CNKSR2: variants seen among roughly 807,000 people sequenced by gnomAD.
CNKSR2 encodes the protein CNK homolog protein 2.
In CNKSR2, 14 loss-of-function variants were observed where a neutral mutation model predicts 84.4. The observed-to-expected ratio is 0.17, with a 90% CI of 0.11 to 0.26. The LOEUF is 0.26. CNKSR2 is among the 10% of genes least tolerant of loss of function. The pLI, the probability that CNKSR2 is intolerant of heterozygous loss-of-function variation, is 1.00. For synonymous variants in CNKSR2, 275 were observed against 277.9 expected, an observed-to-expected ratio of 0.99 and a Z score of 0.10; for missense variants, 485 against 771.2, an observed-to-expected ratio of 0.63 and a Z score of 4.40.
In CNKSR2 at chrX:21,597,370, G is replaced by C. The variant is rs140916183; in HGVS notation, c.1976+1975G>C. 2.4e-3 allele frequency among the ~76,000 whole-genome samples: 266 copies of C among 110,481 alleles called. 1 individual carries two copies. Among genetic ancestry groups the C allele is most frequent in the Middle Eastern group, 0.014 (3 of 215 alleles). On this transcript the variant is annotated intron_variant, in intron 17 of 21. Coordinates refer to ENST00000379510, the MANE Select transcript of CNKSR2 (RefSeq NM_014927.5). ...TTTGTTGGTTTTCTAAGCAATAGGT[G>C]AAAGAAAAAAAGTGAAACATTAAAA...
At chrX:21,550,957 A>G (rs1474893023) in intron 11 of CNKSR2, among the ~76,000 whole-genome samples, 3 of 108,207 alleles carry the variant, frequency 2.8e-5, no homozygotes, top group Middle Eastern at 4.2e-3. Flanking sequence ...AATCACTTCA[A>G]CCTGGGAAGC....
At chrX:21,438,170 A>G (rs1378244817) in intron 3 of CNKSR2, among the ~76,000 whole-genome samples, 1 of 111,903 alleles carries the variant, frequency 8.9e-6, no homozygotes, top group Non-Finnish European at 1.9e-5. Context: ...GATACAGCCT[A>G]CTACACACCT....
chrX:21,497,853 A>G lies in CNKSR2; in HGVS notation c.741+7A>G. On this transcript the variant is annotated splice_region_variant and intron_variant, in intron 7 of 21. Coordinates refer to ENST00000379510, the MANE Select transcript of CNKSR2 (RefSeq NM_014927.5). Reference sequence around the variant, plus strand: ...TACTGGAACCACAGAAAATGTAAGTATTCTAACCTTTCAAATTTTTAAGTG... The same window carrying G: ...TACTGGAACCACAGAAAATGTAAGTGTTCTAACCTTTCAAATTTTTAAGTG... 1.2e-6 allele frequency: 1 copy of G among 833,846 alleles called. No individual in the cohort carries two copies. The allele number at this position is 833,846 out of a possible 1,213,427, so 68.7% of individuals were successfully genotyped here.
chrX:21,451,450 A>G (rs971979085), intron 4 of CNKSR2, among the ~76,000 whole-genome samples: 5 of 110,300 alleles, frequency 4.5e-5, no homozygotes, highest in African/African-American at 1.7e-4. Context: ...AGCCAACCCA[A>G]ATGCCTAACA....
chrX:21,585,765 A>C (rs766120759), intron 13 of CNKSR2, among the ~76,000 whole-genome samples: 2 of 111,336 alleles, frequency 1.8e-5, no homozygotes, highest in Non-Finnish European at 3.8e-5. Context: ...ACATTCTTAG[A>C]AAGTTCGAAG....
chrX:21,523,370 A>G (rs191406447), intron 9 of CNKSR2, among the ~76,000 whole-genome samples: 53 of 111,301 alleles, frequency 4.8e-4, no homozygotes, highest in Admixed American at 7.6e-4. Context: ...TATTGTATCC[A>G]TTTTATCCAT....
At position 21,609,373 on chromosome X, in the gene CNKSR2, C is replaced by T; in HGVS notation, c.2448C>T (p.His816=). The T allele has an allele frequency of 8.3e-7, 1 of 1,211,753 alleles. No individual in the cohort carries two copies. Among genetic ancestry groups the T allele is most frequent in the Non-Finnish European group, 1.1e-6 (1 of 895,537 alleles). The stretch of plus-strand genomic sequence containing the variant: ...CTACCCTGCCAACTCAGAAATGCCA[C>T]CTGCAGGATCACTATGGGCCATACC... The part of the protein sequence containing the change: ...RQSTLPTQKC[H]LQDHYGPYPL... Residue 816 remains histidine, a synonymous_variant, in exon 20 of 22, where the codon CAC becomes CAT. Transcript: ENST00000379510.
At chrX:21,614,992 G>A (rs1317049379) in intron 20 of CNKSR2, among the ~76,000 whole-genome samples, 3 of 111,957 alleles carry the variant, frequency 2.7e-5, no homozygotes, top group African/African-American at 9.7e-5. Flanking sequence ...AGATTTCATT[G>A]CCAAGGTTGC....
chrX:21,401,851 T>G (rs1198483026), intron 1 of CNKSR2, among the ~76,000 whole-genome samples: 1 of 111,688 alleles, frequency 9.0e-6, no homozygotes, highest in East Asian at 2.8e-4. Context: ...CTGTGCCTAT[T>G]AAGTGTCAGC....
At chrX:21,632,684 C>T (rs1261699110) in intron 20 of CNKSR2, among the ~76,000 whole-genome samples, 1 of 111,356 alleles carries the variant, frequency 9.0e-6, no homozygotes, top group African/African-American at 3.3e-5. Context: ...TAAAATGTGA[C>T]TTTTAGTTTG....
At chrX:21,411,490 C>T (rs1214114227) in intron 1 of CNKSR2, among the ~76,000 whole-genome samples, 2 of 111,766 alleles carry the variant, frequency 1.8e-5, no homozygotes, top group African/African-American at 6.5e-5. Context: ...CTGTTCTACA[C>T]GTTGAAACCA....
chrX:21,464,089 G>A (rs752840307), intron 4 of CNKSR2, among the ~76,000 whole-genome samples: 4 of 112,166 alleles, frequency 3.6e-5, no homozygotes, highest in East Asian at 2.8e-4. Context: ...GCCCCACATC[G>A]CTGTAGCCCA....
intron 5 of CNKSR2, among the ~76,000 whole-genome samples, chrX:21,472,956 T>G (rs1458717524): frequency 1.8e-5 from 2 of 111,560 alleles, no homozygotes; most frequent in African/African-American, 6.5e-5. Flanking sequence ...TTAAAAGTTC[T>G]TAATCACTAA....
At position 21,559,683 on chromosome X, in the gene CNKSR2, A is replaced by T. The variant is rs1379756131; in HGVS notation, c.1304-1788A>T. ...TTAACTGTATTGTCGCCATGTGAGG[A>T]CATGTTTACTTCCTTGACTACCTAT... On this transcript the variant is annotated intron_variant, in intron 11 of 21. Coordinates refer to ENST00000379510, the MANE Select transcript of CNKSR2 (RefSeq NM_014927.5). Among the ~76,000 whole-genome samples the T allele has an allele frequency of 2.7e-5, 3 of 111,047 alleles. No individual in the cohort carries two copies. In the Admixed American group the frequency reaches 2.9e-4, roughly 11 times the overall value.
At chrX:21,482,332 A>C (rs2091330169) in intron 5 of CNKSR2, among the ~76,000 whole-genome samples, 1 of 112,041 alleles carries the variant, frequency 8.9e-6, no homozygotes, top group Non-Finnish European at 1.9e-5. Context: ...TTGACTAAGC[A>C]TCAGCACTTC....
At chrX:21,492,749 T>C (rs745590507) in intron 6 of CNKSR2, 9 of 111,952 alleles carry the variant, frequency 8.0e-5, no homozygotes, top group Non-Finnish European at 9.4e-5. Flanking sequence ...TATAAAACTA[T>C]TTTTTGTGAT....
At chrX:21,444,649 A>G (rs947734333) in intron 4 of CNKSR2, among the ~76,000 whole-genome samples, 1 of 110,488 alleles carries the variant, frequency 9.1e-6, no homozygotes, top group African/African-American at 3.3e-5. Context: ...GAGCCTTTGG[A>G]AATGCTAAAC....
chrX:21,385,391 A>T (rs767512577), intron 1 of CNKSR2, among the ~76,000 whole-genome samples: 1 of 112,139 alleles, frequency 8.9e-6, no homozygotes, highest in Non-Finnish European at 1.9e-5. Flanking sequence ...TATAAATGTC[A>T]ACTTTTTTAA....
Position 21,374,614 on chromosome X carries a change from CAGCAGCAGCAGCA to C in CNKSR2, c.-283_-271del. 2.0e-6 allele frequency: 1 copy of C among 506,747 alleles called. No homozygotes were observed. The allele number at this position is 506,747 out of a possible 1,213,427, so 41.8% of individuals were successfully genotyped here. A position where few individuals can be genotyped will look rare whatever the true frequency, so the allele number is the denominator to read the frequency against. On this transcript the variant is annotated 5_prime_UTR_variant, in exon 1 of 22. Coordinates refer to ENST00000379510, the MANE Select transcript of CNKSR2 (RefSeq NM_014927.5). The stretch of plus-strand genomic sequence containing the variant: ...GCGGAGGCAGCAGCAGCAGCAGCAG[CAGCAGCAGCAGCA>C]GCAGCCGCCGCCGCCGCCGCCTTAG...
Sources: gnomAD v4.1 joint callset for allele counts (sites outside exome capture counted in the v4.1 genomes callset) on GRCh38, gnomAD v4.1.1 for gene constraint, MANE v1.5 for transcripts, NCBI Gene and HGNC (gene_info 2026-07-23, HGNC 2026-07-21) for gene names.